Variants in MYLK observed in about 807,000 individuals in gnomAD.
The protein encoded by MYLK is myosin light chain kinase, also known as myosin light chain kinase, smooth muscle.
A neutral mutation model predicts 203.4 loss-of-function variants in MYLK; 106 were observed. The observed-to-expected ratio is 0.52, with a 90% CI of 0.45 to 0.61. The LOEUF (loss-of-function observed/expected upper bound fraction) is 0.61. Among genes scored for constraint, MYLK ranks in the 20% least tolerant of loss-of-function variants. MYLK has a pLI of 0.00. For synonymous variants in MYLK, 867 were observed against 959.5 expected (o/e 0.90, Z 1.78); for missense variants, 2,072 against 2,442.3 (o/e 0.85, Z 3.20).
At chr3:123,821,466 A>T (rs1007045098) in intron 3 of MYLK, among the ~76,000 whole-genome samples, 3 of 152,230 alleles carry the variant, frequency 2.0e-5, no homozygotes, top group African/African-American at 7.2e-5. Context: ...AGGCCCCATG[A>T]TCAGGGATTA....
intron 2 of MYLK, among the ~76,000 whole-genome samples, chr3:123,846,136 G>A (rs972286787): frequency 6.6e-5 from 10 of 152,088 alleles, no homozygotes; most frequent in South Asian, 2.1e-4. Flanking sequence ...GCGACAAAAC[G>A]GATTCTTGAT....
intron 20 of MYLK, among the ~76,000 whole-genome samples, chr3:123,679,321 A>T (rs75112250): frequency 6.6e-6 from 1 of 151,598 alleles, no homozygotes; most frequent in Admixed American, 6.6e-5. Context: ...AAAAAAAAAA[A>T]ACAAAACAAG....
chr3:123,679,189 C>A (rs551374723), intron 20 of MYLK, among the ~76,000 whole-genome samples: 2 of 151,926 alleles, frequency 1.3e-5, no homozygotes, highest in Non-Finnish European at 2.9e-5. Context: ...CAGCTGTAGT[C>A]CCAGCTACTA....
intron 12 of MYLK, among the ~76,000 whole-genome samples, chr3:123,722,868 T>C (rs1014761183): frequency 6.6e-6 from 1 of 152,200 alleles, no homozygotes; most frequent in Admixed American, 6.5e-5. Flanking sequence ...AGGTGTATTT[T>C]AGGGTTCACA....
At chr3:123,805,596 G>C (rs988369086) in intron 3 of MYLK, among the ~76,000 whole-genome samples, 1 of 152,150 alleles carries the variant, frequency 6.6e-6, no homozygotes, top group African/African-American at 2.4e-5. Context: ...AACACAGCTG[G>C]GGTAACCACC....
chr3:123,705,019 T>A (rs1176869328), intron 16 of MYLK, among the ~76,000 whole-genome samples: 1 of 152,210 alleles, frequency 6.6e-6, no homozygotes, highest in African/African-American at 2.4e-5. Flanking sequence ...TCATTTCCCC[T>A]TTTGGTACAG....
At chr3:123,722,753 G>A (rs2062140993) in intron 12 of MYLK, among the ~76,000 whole-genome samples, 1 of 152,124 alleles carries the variant, frequency 6.6e-6, no homozygotes, top group Admixed American at 6.5e-5. Flanking sequence ...CCACTTAGAT[G>A]TCTCCAGAAA....
At chr3:123,763,209 T>C (rs2063589869) in intron 4 of MYLK, among the ~76,000 whole-genome samples, 1 of 152,256 alleles carries the variant, frequency 6.6e-6, no homozygotes, top group Non-Finnish European at 1.5e-5. Flanking sequence ...CTCCAACTTC[T>C]TAAGAGAACC....
At chr3:123,724,673 G>A (rs1485969004) in intron 12 of MYLK, among the ~76,000 whole-genome samples, 1 of 152,210 alleles carries the variant, frequency 6.6e-6, no homozygotes, top group African/African-American at 2.4e-5. Flanking sequence ...CATCAATGAC[G>A]CAGACACAAA....
At chr3:123,861,129 CA>C (rs5852370) in intron 2 of MYLK, among the ~76,000 whole-genome samples, 3 of 130,402 alleles carry the variant, frequency 2.3e-5, no homozygotes, top group Admixed American at 7.7e-5. Flanking sequence ...GACCCTGTCT[CA>C]AAAAAAAAAC....
At chr3:123,719,243 C>T (rs1299343324) in intron 13 of MYLK, among the ~76,000 whole-genome samples, 1 of 152,150 alleles carries the variant, frequency 6.6e-6, no homozygotes, top group Non-Finnish European at 1.5e-5. Context: ...AGAGCTGCCC[C>T]TCAACCACCC....
intron 3 of MYLK, among the ~76,000 whole-genome samples, chr3:123,794,645 A>G (rs2064918973): frequency 6.6e-6 from 1 of 152,198 alleles, no homozygotes; most frequent in Non-Finnish European, 1.5e-5. Context: ...GGGACTAGAT[A>G]AGATGTGACT....
chr3:123,869,098 G>A (rs1290305222), intron 2 of MYLK, among the ~76,000 whole-genome samples: 2 of 152,162 alleles, frequency 1.3e-5, no homozygotes, highest in Non-Finnish European at 1.5e-5. Context: ...AGTCTGGGGT[G>A]AGCAGGGCGG....
At chr3:123,772,527 C>T (rs945037589) in intron 4 of MYLK, among the ~76,000 whole-genome samples, 34 of 151,868 alleles carry the variant, frequency 2.2e-4, no homozygotes, top group African/African-American at 7.7e-4. Flanking sequence ...AGGCATGACA[C>T]TAATAGTGGA....
intron 3 of MYLK, among the ~76,000 whole-genome samples, chr3:123,794,478 TC>T (rs2064912123): frequency 6.6e-6 from 1 of 152,168 alleles, no homozygotes. Context: ...TCACAGATCA[TC>T]AGAGAAGGGG....
intron 4 of MYLK, among the ~76,000 whole-genome samples, chr3:123,756,490 G>A (rs1364953512): frequency 6.6e-6 from 1 of 152,102 alleles, no homozygotes; most frequent in African/African-American, 2.4e-5. Flanking sequence ...AGCTTTCTTG[G>A]GTTGTAATTC....
intron 13 of MYLK, among the ~76,000 whole-genome samples, 176 bp from the exon 14 acceptor site, chr3:123,710,069 CATTTCTCTGCTTGGCAATGACGATGTT>C (rs1218395499): frequency 4.6e-5 from 7 of 152,170 alleles, no homozygotes; most frequent in African/African-American, 1.7e-4. Context: ...AGATGCCTCC[CATTTCTCTGCTTGGCAATGACGATGTT>C]CTTGCCTGAT....
intron 13 of MYLK, among the ~76,000 whole-genome samples, chr3:123,715,638 C>CCAG (rs778312832): frequency 2.6e-5 from 4 of 152,134 alleles, no homozygotes; most frequent in Non-Finnish European, 4.4e-5. Flanking sequence ...TTCTTCAAAC[C>CCAG]CAGCACCAGG....
rs1036536395 is a variant in MYLK at position 123,752,366 on chromosome 3, C to T, written c.338G>A (p.Gly113Asp). The T allele has an allele frequency of 1.2e-6, 2 of 1,614,150 alleles. No homozygotes were observed. Among genetic ancestry groups the T allele is most frequent in the East Asian group, 2.2e-5 (1 of 44,868 alleles). The change falls in exon 5 of 34, where the codon GGT becomes GAT. Residue 113 changes from glycine to aspartate, a missense_variant. This residue lies in a region of MYLK where 683 missense variants were observed against 643.8 expected (regional missense o/e 1.06). Coordinates refer to ENST00000360304, the MANE Select transcript of MYLK (RefSeq NM_053025.4). The part of the protein sequence containing the change: ...KYTCEATNGS[G>D]ARQVTVELTV... ...CAACTCCACTGTCACCTGGCGAGCA[C>T]CACTGCCATTGGTGGCTTCACAGGT... is the stretch of plus-strand genomic sequence containing the variant.
Sources: gnomAD v4.1 joint callset for allele counts (sites outside exome capture counted in the v4.1 genomes callset) on GRCh38, gnomAD v4.1.1 for gene constraint, gnomAD v4.1.1 regional missense constraint, MANE v1.5 for transcripts, NCBI Gene and HGNC (gene_info 2026-07-23, HGNC 2026-07-21) for gene names.